ESRRG: variants seen among roughly 807,000 people sequenced by gnomAD.
ESRRG encodes the protein estrogen related receptor gamma, also known as estrogen-related receptor gamma.
In ESRRG, 13 loss-of-function variants were observed where a neutral mutation model predicts 44.0. The ratio of observed to expected loss-of-function variants is 0.30; its 90% CI spans 0.19 to 0.47. The LOEUF (loss-of-function observed/expected upper bound fraction) is 0.47. ESRRG is among the 20% of genes least tolerant of loss of function. The pLI is 1.00. For missense variants in ESRRG, 395 were observed against 580.6 expected, an observed-to-expected ratio of 0.68 and a Z score of 3.29; for synonymous variants, 215 against 214.6, an observed-to-expected ratio of 1.00 and a Z score of -0.02.
chr1:216,519,814 T>TAAAAAAAA (rs147923058), intron 5 of ESRRG, among the ~76,000 whole-genome samples: 30 of 118,818 alleles, frequency 2.5e-4, no homozygotes, highest in East Asian at 9.9e-4. Context: ...AACATAAAAG[T>TAAAAAAAA]AAAAAAAAAA....
chr1:216,556,261 G>A (rs1460329069), intron 5 of ESRRG, among the ~76,000 whole-genome samples: 1 of 151,996 alleles, frequency 6.6e-6, no homozygotes, highest in African/African-American at 2.4e-5. Flanking sequence ...CAGGTCTATA[G>A]GATATTGATG....
chr1:216,687,026 C>CGTGTGT (rs143144178), intron 1 of ESRRG, among the ~76,000 whole-genome samples: 27,758 of 149,074 alleles, frequency 0.19, 2,593 homozygotes, highest in East Asian at 0.26. Context: ...TGGCAGGGCC[C>CGTGTGT]GTGTGTGTGT....
chr1:216,564,823 C>T (rs902249921), intron 4 of ESRRG, among the ~76,000 whole-genome samples: 2 of 152,086 alleles, frequency 1.3e-5, no homozygotes, highest in East Asian at 3.9e-4. Context: ...CTACTAATGC[C>T]TATAGTCATA....
intron 2 of ESRRG, among the ~76,000 whole-genome samples, chr1:216,671,780 C>T (rs2075230467): frequency 6.6e-6 from 1 of 152,174 alleles, no homozygotes; most frequent in Admixed American, 6.5e-5. Context: ...TTATTTCTAG[C>T]ACTATAATGA....
intron 2 of ESRRG, among the ~76,000 whole-genome samples, chr1:216,770,415 G>T (rs1216231462): frequency 6.6e-6 from 1 of 152,036 alleles, no homozygotes; most frequent in Non-Finnish European, 1.5e-5. Context: ...ATAGATGTTT[G>T]CATCTCTTCA....
chr1:217,003,139 A>C (rs1281134475), intron 1 of ESRRG, among the ~76,000 whole-genome samples: 1 of 152,170 alleles, frequency 6.6e-6, no homozygotes, highest in African/African-American at 2.4e-5. Flanking sequence ...GCCAGATAAA[A>C]CTACATCAGG....
chr1:216,924,352 C>G (rs774894824), intron 2 of ESRRG, among the ~76,000 whole-genome samples: 1 of 152,148 alleles, frequency 6.6e-6, no homozygotes, highest in African/African-American at 2.4e-5. Context: ...AAGCAGCCCT[C>G]GAGAGCAATG....
intron 1 of ESRRG, among the ~76,000 whole-genome samples, chr1:217,126,045 G>C (rs917472366): frequency 1.3e-5 from 2 of 152,148 alleles, no homozygotes; most frequent in African/African-American, 2.4e-5. Flanking sequence ...TCTCAGAAAA[G>C]CTGATCAAGA....
intron 2 of ESRRG, among the ~76,000 whole-genome samples, chr1:216,893,552 C>G (rs1480122570): frequency 2.0e-5 from 3 of 152,102 alleles, no homozygotes; most frequent in African/African-American, 7.2e-5. Flanking sequence ...GTCCTAGACA[C>G]AGTGTCTGGC....
intron 5 of ESRRG, among the ~76,000 whole-genome samples, chr1:216,549,957 C>A (rs1238620486): frequency 6.6e-6 from 1 of 152,074 alleles, no homozygotes; most frequent in East Asian, 1.9e-4. Context: ...CATATGTTTT[C>A]TGTCATGTTG....
At chr1:216,544,724 G>GA (rs1462833377) in intron 5 of ESRRG, among the ~76,000 whole-genome samples, 3 of 150,056 alleles carry the variant, frequency 2.0e-5, no homozygotes, top group East Asian at 2.0e-4. Context: ...AGGTCACCTA[G>GA]AAAAAACACT....
At chr1:216,805,792 GTTTA>G (rs1355656767) in intron 2 of ESRRG, among the ~76,000 whole-genome samples, 3 of 151,130 alleles carry the variant, frequency 2.0e-5, no homozygotes, top group Admixed American at 2.0e-4. Context: ...TTTTGGCTTT[GTTTA>G]TTTGTTTTTG....
At chr1:216,779,776 G>T (rs2093855601) in intron 2 of ESRRG, among the ~76,000 whole-genome samples, 1 of 150,594 alleles carries the variant, frequency 6.6e-6, no homozygotes, top group Non-Finnish European at 1.5e-5. Flanking sequence ...GATTCATGTA[G>T]GCAGATGTTA....
chr1:217,007,259 T>A (rs1468482531), intron 1 of ESRRG, among the ~76,000 whole-genome samples: 27 of 152,180 alleles, frequency 1.8e-4, no homozygotes, highest in Admixed American at 1.8e-3. Context: ...CTGAAAATTA[T>A]GTGGGTCAAG....
intron 2 of ESRRG, among the ~76,000 whole-genome samples, chr1:216,831,453 C>T (rs1483447149): frequency 1.4e-5 from 2 of 144,872 alleles, no homozygotes; most frequent in African/African-American, 2.6e-5. Flanking sequence ...CAAGGGAAAA[C>T]AAAGGTTTTT....
intron 1 of ESRRG, among the ~76,000 whole-genome samples, chr1:217,026,310 G>A (rs2081170989): frequency 6.6e-6 from 1 of 152,214 alleles, no homozygotes; most frequent in Non-Finnish European, 1.5e-5. Context: ...AGGAAGAGAT[G>A]CCAAGAAATG....
intron 2 of ESRRG, among the ~76,000 whole-genome samples, chr1:216,754,425 T>C (rs187996251): frequency 6.6e-6 from 1 of 152,178 alleles, no homozygotes; most frequent in Non-Finnish European, 1.5e-5. Context: ...CCCCTCTCTA[T>C]CACACTGCAA....
chr1:217,071,320 A>G (rs558184550), intron 1 of ESRRG, among the ~76,000 whole-genome samples: 2 of 152,294 alleles, frequency 1.3e-5, no homozygotes, highest in South Asian at 2.1e-4. Context: ...CTCTAACTTA[A>G]TGAAGCAATA....
chr1:216,832,027 G>A (rs1461362273), intron 2 of ESRRG, among the ~76,000 whole-genome samples: 1 of 152,010 alleles, frequency 6.6e-6, no homozygotes, highest in African/African-American at 2.4e-5. Context: ...GAGACTTCAG[G>A]GTGCCCACAG....
Sources: gnomAD v4.1 joint callset for allele counts (sites outside exome capture counted in the v4.1 genomes callset) on GRCh38, gnomAD v4.1.1 for gene constraint, MANE v1.5 for transcripts, NCBI Gene and HGNC (gene_info 2026-07-23, HGNC 2026-07-21) for gene names.